The following PSEN1 variants were observed in gnomAD, a reference collection of about 807,000 sequenced individuals.
PSEN1 encodes the protein presenilin-1.
A neutral mutation model predicts 53.5 loss-of-function variants in PSEN1; 15 were observed. The ratio of observed to expected loss-of-function variants is 0.28; its 90% CI spans 0.19 to 0.43. PSEN1 has a LOEUF of 0.43. Among genes scored for constraint, PSEN1 ranks in the 20% least tolerant of loss-of-function variants. PSEN1 has a pLI of 1.00. For synonymous variants in PSEN1, 208 were observed against 209.8 expected (o/e 0.99, Z 0.08); for missense variants, 387 against 571.2 (o/e 0.68, Z 3.29).
rs1472726244 is a variant in PSEN1, at chr14:73,189,781, G to A, written c.548+2861G>A. ...CACTGGTGAAGCAGAGATGCCAGCT[G>A]AGGTCCTGCCCCCAGCTCCCCTTAA... is the stretch of plus-strand genomic sequence containing the variant. On this transcript the variant is annotated intron_variant, in intron 6 of 11. Transcript: ENST00000324501. 1.2e-4 allele frequency: 28 copies of A among 229,072 alleles called. No individual in the cohort carries two copies. In the Admixed American group the frequency reaches 1.4e-3, roughly 12 times the overall value. 14.2% of individuals were successfully genotyped at this position (229,072 alleles called of 1,614,324 possible).
intron 3 of PSEN1, among the ~76,000 whole-genome samples, chr14:73,158,191 T>C (rs1365157955): frequency 6.6e-6 from 1 of 151,900 alleles, no homozygotes; most frequent in Non-Finnish European, 1.5e-5. Context: ...TACAGATCTT[T>C]CTTTGTATGG....
chr14:73,151,827 C>T (rs753894928), intron 3 of PSEN1, among the ~76,000 whole-genome samples: 1 of 148,142 alleles, frequency 6.8e-6, no homozygotes, highest in Non-Finnish European at 1.5e-5. Flanking sequence ...TCTTGGCCTC[C>T]CAAAGTGCTG....
intron 8 of PSEN1, among the ~76,000 whole-genome samples, chr14:73,200,678 C>A (rs1406359150): frequency 1.3e-5 from 2 of 152,162 alleles, no homozygotes; most frequent in Admixed American, 1.3e-4. Flanking sequence ...CAAGTACTTA[C>A]CCCTGTTGTC....
chr14:73,189,946 C>T (rs1825085111), intron 6 of PSEN1: 1 of 156,688 alleles, frequency 6.4e-6, no homozygotes, highest in Non-Finnish European at 1.4e-5. Context: ...CTCTAACTTC[C>T]TTTGGATCCA....
chr14:73,193,584 A>G (rs17408630), intron 7 of PSEN1, among the ~76,000 whole-genome samples: 34,844 of 147,786 alleles, frequency 0.24, 4,412 homozygotes, highest in East Asian at 0.41. Flanking sequence ...AAAAAGCACA[A>G]GCAGAGTGGT....
chr14:73,165,418 G>C (rs911218034), intron 3 of PSEN1, among the ~76,000 whole-genome samples: 2 of 152,148 alleles, frequency 1.3e-5, no homozygotes, highest in African/African-American at 4.8e-5. Context: ...CTATAGGTAT[G>C]TGCCACTATT....
intron 3 of PSEN1, among the ~76,000 whole-genome samples, chr14:73,156,812 G>C (rs918906103): frequency 6.6e-6 from 1 of 151,650 alleles, no homozygotes; most frequent in African/African-American, 2.4e-5. Context: ...ACAGGCGTCC[G>C]CCACCATGCC....
At chr14:73,151,428 C>T (rs540423054) in intron 3 of PSEN1, among the ~76,000 whole-genome samples, 276 of 152,232 alleles carry the variant, frequency 1.8e-3, no homozygotes, top group Non-Finnish European at 3.3e-3. Flanking sequence ...GTGTATATTG[C>T]AGGCCAGGCA....
At chr14:73,177,169 C>A (rs911254244) in intron 5 of PSEN1, among the ~76,000 whole-genome samples, 9 of 152,176 alleles carry the variant, frequency 5.9e-5, no homozygotes, top group Non-Finnish European at 1.5e-5. Flanking sequence ...TCTCCCATTA[C>A]TTCTTGGGAA....
intron 3 of PSEN1, chr14:73,168,952 C>G (rs1869891301): frequency 1.3e-5 from 2 of 152,342 alleles, no homozygotes. Context: ...TTCGTTTGCT[C>G]TGATTCCCAC....
chr14:73,141,666 T>G (rs1345251806), intron 1 of PSEN1, among the ~76,000 whole-genome samples: 1 of 152,082 alleles, frequency 6.6e-6, no homozygotes, highest in East Asian at 1.9e-4. Context: ...GCGTCTGTAA[T>G]CCTAGCTACT....
At chr14:73,160,046 A>G in intron 3 of PSEN1, 1 of 261,600 alleles carries the variant, frequency 3.8e-6, no homozygotes, top group Non-Finnish European at 8.5e-6. Context: ...CTGATCTCAA[A>G]CTCCTGGGCT....
intron 3 of PSEN1, among the ~76,000 whole-genome samples, chr14:73,155,599 G>A (rs1029291271): frequency 1.3e-4 from 19 of 152,000 alleles, no homozygotes; most frequent in African/African-American, 3.4e-4. Context: ...TAAGTCCTGG[G>A]CTCAAGTGAT....
intron 5 of PSEN1, among the ~76,000 whole-genome samples, chr14:73,182,274 G>A (rs1182300742): frequency 6.6e-6 from 1 of 151,832 alleles, no homozygotes; most frequent in Admixed American, 6.6e-5. Context: ...GAAGCCAGGA[G>A]TTCAAAACCA....
chr14:73,198,545 G>T (rs1157608970), intron 8 of PSEN1, among the ~76,000 whole-genome samples: 1 of 152,046 alleles, frequency 6.6e-6, no homozygotes, highest in African/African-American at 2.4e-5. Flanking sequence ...TGTGTGAGAT[G>T]AATTGGTGGG....
intron 7 of PSEN1, among the ~76,000 whole-genome samples, chr14:73,197,180 A>T (rs112592871): frequency 4.6e-5 from 7 of 151,700 alleles, no homozygotes; most frequent in East Asian, 1.9e-4. Flanking sequence ...TGATCCGCCC[A>T]CCTCGGCCTC....
chr14:73,159,050 C>A (rs865997466), intron 3 of PSEN1, among the ~76,000 whole-genome samples: 56 of 152,248 alleles, frequency 3.7e-4, no homozygotes, highest in African/African-American at 1.3e-3. Flanking sequence ...TTAAAAATTG[C>A]TTTCTTAATG....
At chr14:73,151,243 T>C (rs1435370632) in intron 3 of PSEN1, among the ~76,000 whole-genome samples, 9 of 152,178 alleles carry the variant, frequency 5.9e-5, no homozygotes, top group African/African-American at 2.2e-4. Flanking sequence ...TATATAAAAA[T>C]AATTCTGTTT....
chr14:73,193,394 A>C (rs1466920305), intron 7 of PSEN1, among the ~76,000 whole-genome samples: 1 of 151,338 alleles, frequency 6.6e-6, no homozygotes, highest in Non-Finnish European at 1.5e-5. Context: ...AAAATACAAA[A>C]ATTAGCTGGG....
Sources: gnomAD v4.1 joint callset for allele counts (sites outside exome capture counted in the v4.1 genomes callset) on GRCh38, gnomAD v4.1.1 for gene constraint, MANE v1.5 for transcripts, NCBI Gene and HGNC (gene_info 2026-07-23, HGNC 2026-07-21) for gene names.